Variants in ATP5F1C observed in about 807,000 individuals in gnomAD.
ATP5F1C encodes the protein ATP synthase F(1) complex subunit gamma, mitochondrial.
A neutral mutation model predicts 37.4 loss-of-function variants in ATP5F1C; 22 were observed. That is an observed-to-expected ratio of 0.59 (90% CI 0.42 to 0.84). ATP5F1C has a LOEUF of 0.84. Ranked by LOEUF, ATP5F1C falls within the 40% of genes least tolerant of loss-of-function variation. The pLI is 0.00. For synonymous variants in ATP5F1C, 121 were observed against 128.0 expected (o/e 0.95, Z 0.37); for missense variants, 286 against 362.4 (o/e 0.79, Z 1.71).
chr10:7,792,513 C>G (rs1564330393), intron 1 of ATP5F1C, among the ~76,000 whole-genome samples: 4 of 152,230 alleles, frequency 2.6e-5, no homozygotes, highest in African/African-American at 9.6e-5. Flanking sequence ...AAAATCCCTC[C>G]TCTACTCTCC....
At chr10:7,797,652 G>C (rs1455927023) in intron 3 of ATP5F1C, among the ~76,000 whole-genome samples, 1 of 152,126 alleles carries the variant, frequency 6.6e-6, no homozygotes, top group African/African-American at 2.4e-5. Context: ...GACTGCAGCG[G>C]GGGCGGGTGA....
chr10:7,795,259 G>A (rs907160525), intron 1 of ATP5F1C, among the ~76,000 whole-genome samples: 4 of 151,878 alleles, frequency 2.6e-5, no homozygotes, highest in Non-Finnish European at 4.4e-5. Context: ...TTCTGTTCCC[G>A]AGAATCCCCT....
At chr10:7,802,626 A>C in intron 7 of ATP5F1C, 132 bp from the exon 8 acceptor site, 1 of 1,120,306 alleles carries the variant, frequency 8.9e-7, no homozygotes, top group Non-Finnish European at 1.3e-6. Flanking sequence ...AAATATCTTC[A>C]TAACATTATT....
chr10:7,801,287 T>G (rs1379391634), intron 6 of ATP5F1C, among the ~76,000 whole-genome samples: 1 of 152,204 alleles, frequency 6.6e-6, no homozygotes, highest in Non-Finnish European at 1.5e-5. Context: ...ATTGAGTACA[T>G]TTTTTTCTCT....
chr10:7,802,757 G>C lies in ATP5F1C; in HGVS notation c.794-1G>C. The C allele has an allele frequency of 1.2e-6, 2 of 1,612,814 alleles. No individual in the cohort carries two copies. The highest frequency in any genetic ancestry group is 1.7e-6 in the Non-Finnish European group (2 of 1,179,510). On this transcript the variant is annotated splice_acceptor_variant, in intron 7 of 9. Coordinates refer to ENST00000356708, the MANE Select transcript of ATP5F1C (RefSeq NM_001001973.3). LOFTEE classifies it high-confidence loss of function. ...ATGTAGTGTTTTTGTTTTGTTTGTA[G>C]CTGAGATGATTGACAAATTGACATT...
chr10:7,806,021 G>T (rs547751977), intron 8 of ATP5F1C, among the ~76,000 whole-genome samples: 2 of 152,166 alleles, frequency 1.3e-5, no homozygotes, highest in Non-Finnish European at 2.9e-5. Context: ...AGGAGTTTTA[G>T]GCTGCGGTGA....
rs1440931522 is a variant in ATP5F1C, at chr10:7,802,436, A to C, written c.793+11A>C. The C allele has an allele frequency of 6.2e-7, 1 of 1,605,344 alleles. No individual in the cohort carries two copies. The highest frequency in any genetic ancestry group is 1.7e-5 in the Admixed American group (1 of 58,046). On this transcript the variant is annotated intron_variant, in intron 7 of 9. Coordinates refer to ENST00000356708, the MANE Select transcript of ATP5F1C (RefSeq NM_001001973.3). ...CCAGCAAGAATGCTTGTAAGTACAC[A>C]GTATGGACAGTGCCAGCAGGAGTGC... is the stretch of plus-strand genomic sequence containing the variant.
At chr10:7,805,746 CAAAAAAAAAAAA>C (rs547312025) in intron 8 of ATP5F1C, among the ~76,000 whole-genome samples, 10 of 89,850 alleles carry the variant, frequency 1.1e-4, no homozygotes, top group East Asian at 3.3e-4. Flanking sequence ...GACTCCTTCT[CAAAAAAAAAAAA>C]AAAAAAAAAA....
chr10:7,806,923 T>G (rs767952874), intron 8 of ATP5F1C, 51 bp from the exon 9 acceptor site: 4 of 1,528,166 alleles, frequency 2.6e-6, no homozygotes, highest in Non-Finnish European at 3.6e-6. Flanking sequence ...ATGGATTGCT[T>G]CTTGACCTGC....
chr10:7,789,397 G>A (rs1356609295), intron 1 of ATP5F1C, among the ~76,000 whole-genome samples: 7 of 152,276 alleles, frequency 4.6e-5, no homozygotes, highest in African/African-American at 1.7e-4. Context: ...TATCTGATGT[G>A]AATTAGCCAC....
chr10:7,796,056 G>C (rs979249729), intron 1 of ATP5F1C, 65 bp from the exon 2 acceptor site: 1 of 1,288,796 alleles, frequency 7.8e-7, no homozygotes, highest in African/African-American at 1.5e-5. Flanking sequence ...TTAACTGAAA[G>C]TTTTTCTTGT....
intron 9 of ATP5F1C, 64 bp downstream of exon 9, chr10:7,807,074 C>T: frequency 6.9e-7 from 1 of 1,456,040 alleles, no homozygotes; most frequent in South Asian, 1.2e-5. Context: ...ATAAGTTAAG[C>T]TAATTTAGTA....
intron 1 of ATP5F1C, among the ~76,000 whole-genome samples, chr10:7,794,781 T>C (rs148655080): frequency 2.4e-4 from 36 of 152,364 alleles, no homozygotes; most frequent in Middle Eastern, 6.8e-3. Flanking sequence ...TTTTTGCCTC[T>C]AACCTATGCT....
chr10:7,807,164 A>G (rs745703814), intron 9 of ATP5F1C, among the ~76,000 whole-genome samples, 154 bp downstream of exon 9: 1 of 152,330 alleles, frequency 6.6e-6, no homozygotes, highest in South Asian at 2.1e-4. Context: ...CACCTGGGCA[A>G]CGCTAGTGGA....
intron 1 of ATP5F1C, among the ~76,000 whole-genome samples, chr10:7,789,191 C>G (rs990171586): frequency 5.3e-5 from 8 of 152,046 alleles, no homozygotes; most frequent in Non-Finnish European, 1.5e-5. Context: ...ATTCCAGACA[C>G]GCTGCTAAGG....
At chr10:7,801,386 A>T (rs1421256434) in intron 6 of ATP5F1C, 1 of 152,214 alleles carries the variant, frequency 6.6e-6, no homozygotes, top group East Asian at 1.9e-4. Context: ...TCACCACTTG[A>T]CCCCAATGAA....
intron 8 of ATP5F1C, among the ~76,000 whole-genome samples, chr10:7,805,746 C>CAAAAA (rs547312025): frequency 1.2e-3 from 103 of 89,552 alleles, no homozygotes; most frequent in Non-Finnish European, 1.3e-3. Flanking sequence ...GACTCCTTCT[C>CAAAAA]AAAAAAAAAA....
chr10:7,791,470 A>G (rs1588495766), intron 1 of ATP5F1C, among the ~76,000 whole-genome samples: 3 of 152,194 alleles, frequency 2.0e-5, no homozygotes, highest in Admixed American at 6.5e-5. Flanking sequence ...TTAAGTTTTT[A>G]TGTATCTTAA....
intron 6 of ATP5F1C, among the ~76,000 whole-genome samples, chr10:7,800,431 G>A (rs1450996318): frequency 6.6e-6 from 1 of 151,110 alleles, no homozygotes; most frequent in Admixed American, 6.6e-5. Context: ...TCCTGACCTC[G>A]TGATCCACCC....
Sources: allele counts gnomAD v4.1 joint callset (sites outside exome capture counted in the v4.1 genomes callset), GRCh38; gene constraint gnomAD v4.1.1; transcripts MANE v1.5; gene names NCBI Gene and HGNC (gene_info 2026-07-23, HGNC 2026-07-21).